The following TTC7B variants were observed in gnomAD, a reference collection of about 807,000 sequenced individuals.
TTC7B encodes tetratricopeptide repeat domain 7B, also known as tetratricopeptide repeat protein 7B.
A neutral mutation model predicts 106.8 loss-of-function variants in TTC7B; 28 were observed. The ratio of observed to expected loss-of-function variants is 0.26; its 90% CI spans 0.19 to 0.36. The LOEUF (loss-of-function observed/expected upper bound fraction) is 0.36. Among genes scored for constraint, TTC7B ranks in the 10% least tolerant of loss-of-function variants. The pLI is 1.00. For missense variants in TTC7B, 862 were observed against 1,076.4 expected (o/e 0.80, Z 2.79); for synonymous variants, 405 against 430.6 (o/e 0.94, Z 0.74).
chr14:90,604,861 G>C (rs112819970), intron 17 of TTC7B, among the ~76,000 whole-genome samples: 1 of 152,118 alleles, frequency 6.6e-6, no homozygotes, highest in African/African-American at 2.4e-5. Flanking sequence ...CAAAATTTCC[G>C]TGTTATTTAA....
At chr14:90,566,994 C>T (rs1307390484) in intron 19 of TTC7B, among the ~76,000 whole-genome samples, 1 of 151,450 alleles carries the variant, frequency 6.6e-6, no homozygotes, top group African/African-American at 2.4e-5. Context: ...CAATTGCACT[C>T]TCATTCCTTG....
At chr14:90,676,338 C>T (rs1407915508) in intron 9 of TTC7B, 185 bp downstream of exon 9, 2 of 518,670 alleles carry the variant, frequency 3.9e-6, no homozygotes, top group Non-Finnish European at 6.7e-6. Context: ...ATCAATTCCA[C>T]CACCTAATCA....
At chr14:90,687,425 C>A (rs1357591247) in intron 7 of TTC7B, among the ~76,000 whole-genome samples, 1 of 152,164 alleles carries the variant, frequency 6.6e-6, no homozygotes, top group African/African-American at 2.4e-5. Context: ...ATGGCCAGCA[C>A]TGTGAGCTTC....
intron 3 of TTC7B, among the ~76,000 whole-genome samples, chr14:90,776,457 A>G (rs1276500329): frequency 6.6e-6 from 1 of 152,190 alleles, no homozygotes; most frequent in African/African-American, 2.4e-5. Context: ...GAGCATGCGT[A>G]CAACTCCAGT....
At chr14:90,767,391 C>T (rs8003019) in intron 3 of TTC7B, among the ~76,000 whole-genome samples, 48,435 of 152,112 alleles carry the variant, frequency 0.32, 11,057 homozygotes, top group African/African-American at 0.65. Flanking sequence ...AAAGGATGTA[C>T]TCAAGACTTA....
intron 17 of TTC7B, among the ~76,000 whole-genome samples, chr14:90,609,375 C>T (rs1595202799): frequency 1.3e-5 from 2 of 152,340 alleles, no homozygotes; most frequent in East Asian, 3.9e-4. Context: ...TCTGATTTCT[C>T]AAGCTGACTT....
At chr14:90,695,426 TA>T (rs1887706981) in intron 6 of TTC7B, 73 bp downstream of exon 6, 15 of 761,490 alleles carry the variant, frequency 2.0e-5, no homozygotes, top group Admixed American at 3.4e-5. Context: ...TACATAAATG[TA>T]AAAAAATATG....
At chr14:90,749,167 A>C (rs1890059222) in intron 3 of TTC7B, among the ~76,000 whole-genome samples, 1 of 152,008 alleles carries the variant, frequency 6.6e-6, no homozygotes, top group African/African-American at 2.4e-5. Context: ...TTAAGATTTT[A>C]TCTTTATCAC....
chr14:90,632,895 G>A (rs1414633603), intron 15 of TTC7B, among the ~76,000 whole-genome samples: 1 of 152,212 alleles, frequency 6.6e-6, no homozygotes, highest in Non-Finnish European at 1.5e-5. Context: ...ACAATGCGGG[G>A]TATAAACATT....
At chr14:90,797,035 A>C (rs2029921102) in intron 1 of TTC7B, among the ~76,000 whole-genome samples, 1 of 150,116 alleles carries the variant, frequency 6.7e-6, no homozygotes, top group Admixed American at 6.7e-5. Context: ...AGTAGAGACA[A>C]TGTTTTCCCA....
Position 90,540,214 on chromosome 14 carries a change from A to C in TTC7B, c.*1154T>G, listed in dbSNP as rs1889526631. On this transcript the variant is annotated 3_prime_UTR_variant, in exon 20 of 20. Coordinates refer to ENST00000328459, the MANE Select transcript of TTC7B (RefSeq NM_001010854.2). ...TGAGGCGGGAGGGCTGCTTGAGTCC[A>C]GGAGTTCAGGACCAGCCTGGGTAAC... is the stretch of plus-strand genomic sequence containing the variant. 6.6e-6 allele frequency: 1 copy of C among 152,254 alleles called. No homozygotes were observed. Among genetic ancestry groups the C allele is most frequent in the African/African-American group, 2.4e-5 (1 of 41,442 alleles). 9.4% of individuals were successfully genotyped at this position (152,254 alleles called of 1,614,324 possible).
chr14:90,532,353 C>G lies in TTC7B; in HGVS notation c.*9015G>C, dbSNP rs1054056344. ...TGTACATTACAGGATGCTCTTCCCT[C>G]TTCACATGGTCTGGTCCTTGCTGGC... On this transcript the variant is annotated 3_prime_UTR_variant, in exon 20 of 20. Coordinates refer to ENST00000328459, the MANE Select transcript of TTC7B (RefSeq NM_001010854.2). The G allele has an allele frequency of 1.3e-5, 2 of 152,224 alleles. No individual in the cohort carries two copies. The highest frequency in any genetic ancestry group is 4.8e-5 in the African/African-American group (2 of 41,468). 9.4% of individuals were successfully genotyped at this position (152,224 alleles called of 1,614,324 possible).
At chr14:90,661,043 A>G (rs979615376) in intron 9 of TTC7B, among the ~76,000 whole-genome samples, 6 of 152,164 alleles carry the variant, frequency 3.9e-5, no homozygotes, top group African/African-American at 1.4e-4. Context: ...CTGCCAGCAC[A>G]CACTTTGCCC....
At chr14:90,766,064 C>T (rs1027308767) in intron 3 of TTC7B, among the ~76,000 whole-genome samples, 29 of 151,834 alleles carry the variant, frequency 1.9e-4, no homozygotes, top group African/African-American at 6.0e-4. Flanking sequence ...AAGGCACAGA[C>T]TCAGAGAAGA....
At chr14:90,605,661 G>A in intron 17 of TTC7B, 2 of 1,289,234 alleles carry the variant, frequency 1.6e-6, no homozygotes, top group Non-Finnish European at 2.0e-6. Context: ...GCCACACAAA[G>A]GTATCGGGTT....
In TTC7B at chr14:90,541,541, G is replaced by T. The variant is rs571261589; in HGVS notation, c.2359C>A (p.Leu787Ile). ...LGRYSLAEKI[L>I]RDAVQVNSTA... ...GAGTTCACCTGCACCGCGTCCCGGA[G>T]GATCTTCTCCGCCAGACTGTAGCGG... Residue 787 changes from leucine to isoleucine, a missense_variant, in exon 20 of 20, where the codon CTC becomes ATC. By Grantham distance (5) the Leu-to-Ile change is conservative. Transcript: ENST00000328459. 1 of 1,612,168 alleles carries T rather than the reference G, an allele frequency of 6.2e-7. No homozygotes were observed. The highest frequency in any genetic ancestry group is 2.2e-5 in the East Asian group (1 of 44,838).
chr14:90,768,535 A>T (rs1245299133), intron 3 of TTC7B, among the ~76,000 whole-genome samples: 1 of 152,226 alleles, frequency 6.6e-6, no homozygotes, highest in Non-Finnish European at 1.5e-5. Flanking sequence ...TGGGTATTAC[A>T]ATTTAAAATG....
chr14:90,701,970 T>C (rs1888010449), intron 5 of TTC7B, among the ~76,000 whole-genome samples: 1 of 152,032 alleles, frequency 6.6e-6, no homozygotes, highest in Non-Finnish European at 1.5e-5. Context: ...CCAAACACAC[T>C]TGGACTCCTC....
At chr14:90,616,531 G>A in intron 16 of TTC7B, among the ~76,000 whole-genome samples, 2 of 150,528 alleles carry the variant, frequency 1.3e-5, no homozygotes, top group Non-Finnish European at 3.0e-5. Context: ...GGGGGCTGGG[G>A]CTGCCTGGCG....
Sources: allele counts gnomAD v4.1 joint callset (sites outside exome capture counted in the v4.1 genomes callset), GRCh38; gene constraint gnomAD v4.1.1; transcripts MANE v1.5; gene names NCBI Gene and HGNC (gene_info 2026-07-23, HGNC 2026-07-21).